Variants in FAT3 observed in about 807,000 individuals in gnomAD.
FAT3 encodes FAT atypical cadherin 3, also known as protocadherin Fat 3.
In FAT3, 95 loss-of-function variants were observed where a neutral mutation model predicts 310.2. The ratio of observed to expected loss-of-function variants is 0.31; its 90% CI spans 0.26 to 0.36. FAT3 has a LOEUF of 0.36. Ranked by LOEUF, FAT3 falls within the 10% of genes least tolerant of loss-of-function variation. The probability of loss-of-function intolerance (pLI) is 1.00; values close to 1 mark genes in which losing one functional copy is unlikely to be tolerated. For synonymous variants in FAT3, 2,314 were observed against 2,192.9 expected (o/e 1.06, Z -1.54); for missense variants, 5,408 against 5,715.6 (o/e 0.95, Z 1.74).
At chr11:92,270,985 A>G (rs1946109505) in intron 1 of FAT3, among the ~76,000 whole-genome samples, 1 of 151,968 alleles carries the variant, frequency 6.6e-6, no homozygotes, top group Non-Finnish European at 1.5e-5. Context: ...CTTCCAAAAT[A>G]TATCCCAAAG....
At chr11:92,631,273 T>G (rs1941548148) in intron 3 of FAT3, among the ~76,000 whole-genome samples, 1 of 152,230 alleles carries the variant, frequency 6.6e-6, no homozygotes. Context: ...CATGGTTTGA[T>G]TCTTCTCTGT....
At chr11:92,302,466 A>C (rs1232802287) in intron 1 of FAT3, among the ~76,000 whole-genome samples, 1 of 149,554 alleles carries the variant, frequency 6.7e-6, no homozygotes, top group South Asian at 2.1e-4. Context: ...TTATTTCCTA[A>C]TTTTTTTTTT....
At chr11:92,276,389 TC>T (rs1281426859) in intron 1 of FAT3, among the ~76,000 whole-genome samples, 6 of 152,108 alleles carry the variant, frequency 3.9e-5, no homozygotes, top group African/African-American at 1.2e-4. Flanking sequence ...TTCACTTGCT[TC>T]CCCCATCTTC....
intron 2 of FAT3, chr11:92,366,616 C>T (rs1949029556): frequency 1.9e-6 from 1 of 531,428 alleles, no homozygotes; most frequent in South Asian, 1.4e-5. Flanking sequence ...ATGGGAATAA[C>T]CAGTTGACAG....
intron 2 of FAT3, among the ~76,000 whole-genome samples, chr11:92,455,796 TGCAAACTATTA>T (rs1951479230): frequency 6.6e-6 from 1 of 152,206 alleles, no homozygotes; most frequent in Admixed American, 6.5e-5. Flanking sequence ...CAGTATCTGA[TGCAAACTATTA>T]GCCCAATAAA....
At chr11:92,412,520 A>G (rs193070524) in intron 2 of FAT3, among the ~76,000 whole-genome samples, 1 of 145,690 alleles carries the variant, frequency 6.9e-6, no homozygotes, top group Non-Finnish European at 1.5e-5. Context: ...TTCACATGGG[A>G]TTCTTAGATC....
Position 92,353,675 on chromosome 11 carries a change from T to G in FAT3, c.1563T>G (p.Ile521Met), listed in dbSNP as rs780252838. The change falls in exon 2 of 28, where the codon ATT (isoleucine) becomes ATG (methionine). Residue 521 changes from isoleucine (I) to methionine (M), a missense_variant. Ile to Met is a conservative substitution (Grantham distance 10). Transcript: ENST00000525166. ...IASLNLLPFV[I>M]NQFTGVISTT... ...GCCTGAATTTGTTACCATTTGTCATTAATCAGTTTACAGGTGTTATTAGCA... is the reference window on the plus strand; with the variant it reads ...GCCTGAATTTGTTACCATTTGTCATGAATCAGTTTACAGGTGTTATTAGCA... 7 of 1,613,842 alleles carry G rather than the reference T, an allele frequency of 4.3e-6. No individual in the cohort carries two copies. The highest frequency in any genetic ancestry group is 5.9e-6 in the Non-Finnish European group (7 of 1,179,888).
intron 22 of FAT3, among the ~76,000 whole-genome samples, chr11:92,879,857 T>C (rs997529469): frequency 7.2e-5 from 11 of 152,078 alleles, no homozygotes; most frequent in Admixed American, 4.6e-4. Context: ...GAAGTGTAAA[T>C]GGGAGAGAAG....
At chr11:92,607,706 A>G (rs1457025568) in intron 3 of FAT3, among the ~76,000 whole-genome samples, 1 of 152,204 alleles carries the variant, frequency 6.6e-6, no homozygotes, top group Admixed American at 6.5e-5. Flanking sequence ...CCCATATTTT[A>G]TGTGCTATAT....
intron 13 of FAT3, among the ~76,000 whole-genome samples, chr11:92,812,236 T>A (rs749150385): frequency 6.6e-6 from 1 of 152,130 alleles, no homozygotes; most frequent in Non-Finnish European, 1.5e-5. Flanking sequence ...AAGGTAGAAT[T>A]TATCTTGGAG....
chr11:92,889,333 C>A, intron 26 of FAT3, 85 bp downstream of exon 26: 1 of 574,942 alleles, frequency 1.7e-6, no homozygotes, highest in East Asian at 3.1e-5. Context: ...ATGGATTGGC[C>A]ACAGAGGGGG....
At chr11:92,294,483 A>G (rs1247505433) in intron 1 of FAT3, among the ~76,000 whole-genome samples, 1 of 152,020 alleles carries the variant, frequency 6.6e-6, no homozygotes, top group Non-Finnish European at 1.5e-5. Context: ...TTGCCAAGTC[A>G]TACTATAGTG....
At position 92,353,144 on chromosome 11, in the gene FAT3, T is replaced by C. The variant is rs1325655072; in HGVS notation, c.1032T>C (p.Thr344=). Residue 344 remains threonine (T), a synonymous_variant, in exon 2 of 28, where the codon ACT becomes ACC. Coordinates refer to ENST00000525166, the MANE Select transcript of FAT3 (RefSeq NM_001367949.2). ...GCTTTCCCTATGGCTACAATCTCAC[T>C]CTTCAAGCAAAAGACAAGGGATCTC... ...WESFPYGYNL[T]LQAKDKGSPQ... is the part of the protein sequence containing the mutation. 6.2e-7 allele frequency: 1 copy of C among 1,613,656 alleles called. No homozygotes were observed. The highest frequency in any genetic ancestry group is 8.5e-7 in the Non-Finnish European group (1 of 1,179,838).
At chr11:92,365,581 T>G (rs955839120) in intron 2 of FAT3, among the ~76,000 whole-genome samples, 2 of 152,230 alleles carry the variant, frequency 1.3e-5, no homozygotes, top group African/African-American at 4.8e-5. Context: ...GATTTTTAAT[T>G]GCATATCATT....
chr11:92,443,868 G>A (rs1335205173), intron 2 of FAT3, among the ~76,000 whole-genome samples: 1 of 152,078 alleles, frequency 6.6e-6, no homozygotes, highest in East Asian at 1.9e-4. Flanking sequence ...TCATAATGAT[G>A]CCTTATAAAT....
chr11:92,801,417 A>T lies in FAT3; in HGVS notation c.8404A>T (p.Ile2802Phe). The T allele has an allele frequency of 6.2e-7, 1 of 1,613,940 alleles. No homozygotes were observed. The highest frequency in any genetic ancestry group is 2.2e-5 in the East Asian group (1 of 44,850). Residue 2802 changes from isoleucine to phenylalanine, a missense_variant, in exon 10 of 28, where the codon ATC (isoleucine) becomes TTC (phenylalanine). Ile to Phe is a conservative substitution (Grantham distance 21). This residue lies in a region of FAT3 where 4,588 missense variants were observed against 4,809.8 expected (regional missense o/e 0.95). Coordinates refer to ENST00000525166, the MANE Select transcript of FAT3 (RefSeq NM_001367949.2). ...CATTGTGTTTACTGTGGATGTAGATATCAAGGTATTGGATTTGAATGACAA... is the reference window on the plus strand; with the variant it reads ...CATTGTGTTTACTGTGGATGTAGATTTCAAGGTATTGGATTTGAATGACAA... ...VDIVFTVDVD[I>F]KVLDLNDNKP...
chr11:92,626,607 C>G (rs181431701), intron 3 of FAT3, among the ~76,000 whole-genome samples: 1 of 152,104 alleles, frequency 6.6e-6, no homozygotes, highest in African/African-American at 2.4e-5. Flanking sequence ...CCAGAAGACA[C>G]TCAAGTGTAT....
At chr11:92,442,618 A>T (rs1951101866) in intron 2 of FAT3, among the ~76,000 whole-genome samples, 1 of 152,114 alleles carries the variant, frequency 6.6e-6, no homozygotes, top group African/African-American at 2.4e-5. Context: ...TTCAGAGCTG[A>T]TGGCAAAGGG....
Position 92,399,912 on chromosome 11 carries a change from G to T in FAT3, c.3292+44508G>T, listed in dbSNP as rs114992134. 6.9e-3 allele frequency among the ~76,000 whole-genome samples: 1,058 copies of T among 152,274 alleles called. 17 individuals carry two copies. Among genetic ancestry groups the T allele is most frequent in the African/African-American group, 0.025 (1,021 of 41,566 alleles). On this transcript the variant is annotated intron_variant, in intron 2 of 27. Transcript: ENST00000525166. The stretch of plus-strand genomic sequence containing the variant: ...AAGGCAGATCTGGCCAACAGGAGGT[G>T]CAATACAGACAGAGTTGAGTTGTTC...
Sources: gnomAD v4.1 joint callset for allele counts (sites outside exome capture counted in the v4.1 genomes callset) on GRCh38, gnomAD v4.1.1 for gene constraint, gnomAD v4.1.1 regional missense constraint, MANE v1.5 for transcripts, NCBI Gene and HGNC (gene_info 2026-07-23, HGNC 2026-07-21) for gene names.